FLT3LG: variants seen among roughly 807,000 people sequenced by gnomAD.
FLT3LG encodes fms-related tyrosine kinase 3 ligand.
A neutral mutation model predicts 30.9 loss-of-function variants in FLT3LG; 8 were observed. The observed-to-expected ratio is 0.26, with a 90% CI of 0.15 to 0.47. FLT3LG has a LOEUF of 0.47. Ranked by LOEUF, FLT3LG falls within the 20% of genes least tolerant of loss-of-function variation. The pLI, the probability that FLT3LG is intolerant of heterozygous loss-of-function variation, is 0.99. For synonymous variants in FLT3LG, 123 were observed against 135.9 expected (o/e 0.91, Z 0.66); for missense variants, 278 against 306.2 (o/e 0.91, Z 0.69).
intron 8 of FLT3LG, among the ~76,000 whole-genome samples, chr19:49,485,664 G>C (rs781434730): frequency 1.3e-5 from 2 of 152,232 alleles, no homozygotes; most frequent in Non-Finnish European, 2.9e-5. Flanking sequence ...TTACAGGCGT[G>C]AGCCACTGTG....
intron 6 of FLT3LG, among the ~76,000 whole-genome samples, chr19:49,479,997 T>G (rs575260584): frequency 6.6e-6 from 1 of 151,676 alleles, no homozygotes; most frequent in Non-Finnish European, 1.5e-5. Flanking sequence ...AGAGATGGGT[T>G]TTCACCATGT....
intron 8 of FLT3LG, among the ~76,000 whole-genome samples, chr19:49,483,116 G>A (rs2079671320): frequency 6.6e-6 from 1 of 151,886 alleles, no homozygotes; most frequent in Non-Finnish European, 1.5e-5. Context: ...CCAACGTATA[G>A]TTTATTTATT....
At chr19:49,474,378 G>A (rs1338844367) in intron 1 of FLT3LG, 97 bp downstream of exon 1, 5 of 578,156 alleles carry the variant, frequency 8.6e-6, no homozygotes, top group South Asian at 8.2e-5. Context: ...CTGGGTTCCC[G>A]GGTCCCTAAC....
At chr19:49,474,858 GA>G (rs2079319512) in intron 2 of FLT3LG, among the ~76,000 whole-genome samples, 186 bp downstream of exon 2, 2 of 140,488 alleles carry the variant, frequency 1.4e-5, no homozygotes, top group Admixed American at 7.1e-5. Flanking sequence ...ATGGACAGAG[GA>G]TGGGGAGATG....
intron 8 of FLT3LG, among the ~76,000 whole-genome samples, chr19:49,484,890 G>C (rs888696181): frequency 1.3e-5 from 2 of 152,048 alleles, no homozygotes; most frequent in Non-Finnish European, 2.9e-5. Flanking sequence ...TTCAAGACCA[G>C]CTTGGGCAAC....
At chr19:49,474,576 G>C in intron 1 of FLT3LG, 27 bp from the exon 2 acceptor site, 1 of 1,570,350 alleles carries the variant, frequency 6.4e-7, no homozygotes, top group Non-Finnish European at 8.7e-7. Context: ...ATGAGGGTCC[G>C]AGACTTGTTC....
At chr19:49,480,808 G>C in intron 8 of FLT3LG, 188 bp downstream of exon 8, 1 of 604,536 alleles carries the variant, frequency 1.7e-6, no homozygotes, top group Non-Finnish European at 2.9e-6. Flanking sequence ...GAGGCGGGTG[G>C]ATCACTTGAG....
intron 1 of FLT3LG, 154 bp downstream of exon 1, chr19:49,474,435 G>A (rs1240712378): frequency 1.6e-6 from 1 of 619,194 alleles, no homozygotes; most frequent in Non-Finnish European, 2.9e-6. Context: ...TAGAAGTGGA[G>A]ATGAAGAGTT....
chr19:49,474,328 G>T (rs1440027164), intron 1 of FLT3LG, 47 bp downstream of exon 1: 2 of 539,922 alleles, frequency 3.7e-6, no homozygotes, highest in Admixed American at 6.8e-5. Flanking sequence ...GCGGAGCCAG[G>T]GTCCCCACTC....
chr19:49,477,003 C>T (rs1317788873), intron 5 of FLT3LG, among the ~76,000 whole-genome samples: 1 of 151,796 alleles, frequency 6.6e-6, no homozygotes, highest in Non-Finnish European at 1.5e-5. Context: ...AAAAATTAGC[C>T]GGGCATGGTG....
intron 2 of FLT3LG, among the ~76,000 whole-genome samples, 185 bp from the exon 3 acceptor site, chr19:49,475,506 A>G (rs992217974): frequency 1.3e-5 from 2 of 152,050 alleles, no homozygotes; most frequent in African/African-American, 4.8e-5. Flanking sequence ...GCATTGGACC[A>G]GAGGCAGAGA....
Position 49,476,020 on chromosome 19 carries a change from T to A in FLT3LG, c.145-125T>A. 1 of 1,171,966 alleles carries A rather than the reference T, an allele frequency of 8.5e-7. No homozygotes were observed. The highest frequency in any genetic ancestry group is 2.3e-5 in the East Asian group (1 of 42,824). 72.6% of individuals were successfully genotyped at this position (1,171,966 alleles called of 1,614,324 possible). On this transcript the variant is annotated intron_variant, in intron 3 of 8. Transcript: ENST00000597551. The surrounding 1 kb of genome is among the most constrained non-coding windows in gnomAD (Gnocchi z 5.3). ...CTTTTTAAGGGCAAGGTTCTGTGGC[T>A]TCTTCTGGGCTCCCCCTCTCTTGGT...
At chr19:49,483,424 A>C (rs2079683637) in intron 8 of FLT3LG, among the ~76,000 whole-genome samples, 1 of 152,014 alleles carries the variant, frequency 6.6e-6, no homozygotes, top group African/African-American at 2.4e-5. Flanking sequence ...CCAGACAATA[A>C]ATTTTTATCA....
chr19:49,485,918 T>C (rs1374956825), intron 8 of FLT3LG, 97 bp from the exon 9 acceptor site: 1 of 152,240 alleles, frequency 6.6e-6, no homozygotes, highest in Non-Finnish European at 1.5e-5. Flanking sequence ...TGGGCATAAA[T>C]CTGTGGCCCG....
At position 49,480,542 on chromosome 19, in the gene FLT3LG, G is replaced by T; in HGVS notation, c.661-10G>T. On this transcript the variant is annotated splice_polypyrimidine_tract_variant and intron_variant, in intron 7 of 8. Transcript: ENST00000597551. ...TGGCCCACTTGTGGCTGACACTTTG[G>T]GGCCCACAGGTGCCCCCCGTCCCCA... 1 of 1,612,410 alleles carries T rather than the reference G, an allele frequency of 6.2e-7. No individual in the cohort carries two copies. Among genetic ancestry groups the T allele is most frequent in the Non-Finnish European group, 8.5e-7 (1 of 1,179,428 alleles).
chr19:49,479,081 T>C (rs1318051205), intron 6 of FLT3LG, 34 bp downstream of exon 6: 20 of 1,584,092 alleles, frequency 1.3e-5, no homozygotes, highest in Non-Finnish European at 1.6e-5. Context: ...CTCCTTCCCC[T>C]CCTGTCCTCA....
In FLT3LG at chr19:49,474,557, G is replaced by A. The variant is rs548425309; in HGVS notation, c.-37-46G>A. The A allele has an allele frequency of 1.5e-4, 210 of 1,446,940 alleles. No individual in the cohort carries two copies. The East Asian group carries it at 2.4e-3, about 17-fold the overall frequency. The allele number at this position is 1,446,940 out of a possible 1,614,324, so 89.6% of individuals were successfully genotyped here. A position where few individuals can be genotyped will look rare whatever the true frequency, so the allele number is the denominator to read the frequency against. On this transcript the variant is annotated intron_variant, in intron 1 of 8. Coordinates refer to ENST00000597551, the MANE Select transcript of FLT3LG (RefSeq NM_001459.4). ...GAGGCAAAGGGGCGGGCAGGGCAGG[G>A]GCTGGGGCATGAGGGTCCGAGACTT... is the stretch of plus-strand genomic sequence containing the variant.
rs1011684662 is a variant in FLT3LG at position 49,476,742 on chromosome 19, G to C, written c.342+176G>C. 2.5e-6 allele frequency: 2 copies of C among 787,396 alleles called. No individual in the cohort carries two copies. The highest frequency in any genetic ancestry group is 3.5e-5 in the African/African-American group (2 of 56,588). The allele number at this position is 787,396 out of a possible 1,614,324, so 48.8% of individuals were successfully genotyped here. ...ACAGAACAACACGTCCCCAGGCACCGGTGATGGGGAGCAGTCTGGTCCCAT... is the reference window on the plus strand; with the variant it reads ...ACAGAACAACACGTCCCCAGGCACCCGTGATGGGGAGCAGTCTGGTCCCAT... On this transcript the variant is annotated intron_variant, in intron 5 of 8. Coordinates refer to ENST00000597551, the MANE Select transcript of FLT3LG (RefSeq NM_001459.4). The surrounding 1 kb of genome is among the most constrained non-coding windows in gnomAD (Gnocchi z 5.3).
Position 49,479,379 on chromosome 19 carries a change from A to T in FLT3LG, c.481+332A>T, listed in dbSNP as rs2079517305. On this transcript the variant is annotated intron_variant, in intron 6 of 8. Coordinates refer to ENST00000597551, the MANE Select transcript of FLT3LG (RefSeq NM_001459.4). ...CCGGCTAATTTTTTGTATTTTTAGT[A>T]GAGACGGGGTTTTACCGAGTTAAAC... is the stretch of plus-strand genomic sequence containing the variant. Among the ~76,000 whole-genome samples, 2 of 149,230 alleles carry T rather than the reference A, an allele frequency of 1.3e-5. 1 individual carries two copies. Among genetic ancestry groups the T allele is most frequent in the Middle Eastern group, 7.1e-3 (2 of 282 alleles).
Sources: allele counts gnomAD v4.1 joint callset (sites outside exome capture counted in the v4.1 genomes callset), GRCh38; gene constraint gnomAD v4.1.1; non-coding constraint Gnocchi (gnomAD v3.1); transcripts MANE v1.5; gene names NCBI Gene and HGNC (gene_info 2026-07-23, HGNC 2026-07-21).